TIAM2: variants seen among roughly 807,000 people sequenced by gnomAD.
The protein encoded by TIAM2 is rho guanine nucleotide exchange factor TIAM2.
Under a neutral mutation model 152.9 loss-of-function variants are expected in TIAM2, and 80 were observed. That is an observed-to-expected ratio of 0.52 (90% confidence interval 0.44 to 0.63). TIAM2 has a LOEUF of 0.63. Among genes scored for constraint, TIAM2 ranks in the 30% least tolerant of loss-of-function variants. TIAM2 has a pLI of 0.00. For missense variants in TIAM2, 1,965 were observed against 2,120.1 expected (o/e 0.93, Z 1.44); for synonymous variants, 804 against 838.0 (o/e 0.96, Z 0.70).
chr6:155,226,986 C>T (rs1212459555), intron 15 of TIAM2, among the ~76,000 whole-genome samples: 1 of 152,220 alleles, frequency 6.6e-6, no homozygotes, highest in African/African-American at 2.4e-5. Context: ...AGCACATTTG[C>T]AGTATGTGCT....
At chr6:155,254,737 T>A in intron 26 of TIAM2, 164 bp downstream of exon 26, 2 of 793,824 alleles carry the variant, frequency 2.5e-6, no homozygotes, top group Non-Finnish European at 3.9e-6. Context: ...CCAGACGTTC[T>A]ACTGTAAAAT....
chr6:155,029,948 A>G (rs529730917), intron 1 of TIAM2, among the ~76,000 whole-genome samples: 1 of 151,400 alleles, frequency 6.6e-6, no homozygotes, highest in Non-Finnish European at 1.5e-5. Context: ...ATGCGCCACT[A>G]TGCCTGGCTA....
intron 26 of TIAM2, chr6:155,254,948 C>A: frequency 1.2e-5 from 2 of 168,792 alleles, no homozygotes; most frequent in South Asian, 1.8e-4. Context: ...CAGAGGGTCT[C>A]CACCTTCTGA....
At chr6:155,099,373 G>A (rs1250399293) in intron 2 of TIAM2, among the ~76,000 whole-genome samples, 1 of 151,926 alleles carries the variant, frequency 6.6e-6, no homozygotes, top group Non-Finnish European at 1.5e-5. Flanking sequence ...ATTTGCAATG[G>A]CTTTAAAGCA....
At chr6:155,002,025 C>T (rs1778321133) in intron 1 of TIAM2, among the ~76,000 whole-genome samples, 1 of 152,160 alleles carries the variant, frequency 6.6e-6, no homozygotes, top group Non-Finnish European at 1.5e-5. Context: ...TAGTAAAGAG[C>T]ATTCTGTGCC....
chr6:155,091,561 G>A (rs1562313062), intron 2 of TIAM2, among the ~76,000 whole-genome samples: 1 of 152,118 alleles, frequency 6.6e-6, no homozygotes, highest in Admixed American at 6.5e-5. Context: ...CTCACATTAT[G>A]ATCAAATTTA....
At chr6:155,131,567 A>T (rs1421101781) in intron 4 of TIAM2, among the ~76,000 whole-genome samples, 2 of 151,768 alleles carry the variant, frequency 1.3e-5, no homozygotes, top group African/African-American at 4.8e-5. Flanking sequence ...ATATATCTAC[A>T]TGTGTAATCT....
At chr6:155,089,038 G>T (rs778955474) in intron 1 of TIAM2, among the ~76,000 whole-genome samples, 2 of 152,092 alleles carry the variant, frequency 1.3e-5, no homozygotes, top group Non-Finnish European at 2.9e-5. Flanking sequence ...AAAAAGGTAA[G>T]TCTCACTATG....
intron 14 of TIAM2, among the ~76,000 whole-genome samples, chr6:155,189,443 G>T (rs1583239126): frequency 6.6e-6 from 1 of 151,770 alleles, no homozygotes; most frequent in Admixed American, 6.6e-5. Context: ...AGTTTGTTTT[G>T]TCTGTGCTGA....
At chr6:155,042,610 C>G (rs1012562741) in intron 1 of TIAM2, among the ~76,000 whole-genome samples, 4 of 152,004 alleles carry the variant, frequency 2.6e-5, no homozygotes, top group African/African-American at 9.7e-5. Flanking sequence ...TAAATAATAG[C>G]AAGCAGGATC....
At chr6:155,249,079 G>A (rs1290115644) in intron 20 of TIAM2, among the ~76,000 whole-genome samples, 1 of 152,106 alleles carries the variant, frequency 6.6e-6, no homozygotes, top group African/African-American at 2.4e-5. Context: ...GTATTAAGAT[G>A]ATCTTTAGAA....
chr6:155,224,732 T>TCA (rs1562360256), intron 15 of TIAM2, among the ~76,000 whole-genome samples: 2 of 152,230 alleles, frequency 1.3e-5, no homozygotes, highest in Admixed American at 6.5e-5. Context: ...TTGCGCTCTC[T>TCA]CATTCTTTGC....
Position 155,134,397 on chromosome 6 carries a change from A to AC in TIAM2, c.1195-2771dup, listed in dbSNP as rs35487009. 9.9e-3 allele frequency among the ~76,000 whole-genome samples: 1,100 copies of AC among 110,566 alleles called. 16 individuals carry two copies. The highest frequency in any genetic ancestry group is 0.035 in the African/African-American group (990 of 28,156). The allele number at this position is 110,566 out of a possible 152,430, so 72.5% of individuals were successfully genotyped here. On this transcript the variant is annotated intron_variant, in intron 4 of 26. Coordinates refer to ENST00000682666, the MANE Select transcript of TIAM2 (RefSeq NM_012454.4). ...TATAAATGCTAAAATGCATCCCCCC[A>AC]CCCCCCCCCATTTCTGAAAAAGAAA...
intron 1 of TIAM2, among the ~76,000 whole-genome samples, chr6:155,067,900 C>T (rs1379628912): frequency 6.6e-6 from 1 of 152,140 alleles, no homozygotes; most frequent in African/African-American, 2.4e-5. Flanking sequence ...TCTCGGTCTC[C>T]CAAAGTGCTG....
intron 1 of TIAM2, among the ~76,000 whole-genome samples, chr6:155,051,336 T>C (rs1030756053): frequency 2.6e-5 from 4 of 152,220 alleles, no homozygotes; most frequent in East Asian, 3.9e-4. Flanking sequence ...CTCCCATCCA[T>C]GGGTGCCCGT....
intron 18 of TIAM2, 103 bp downstream of exon 18, chr6:155,244,886 A>G: frequency 7.4e-7 from 1 of 1,355,108 alleles, no homozygotes; most frequent in Non-Finnish European, 9.9e-7. Flanking sequence ...TCCTGTGACT[A>G]TTGACTATTT....
rs1209193764 is a variant in TIAM2 at position 155,028,812 on chromosome 6, A to ATATACTGTGTTATATATTACATG, written c.-209+33322_-209+33323insTACTGTGTTATATATTACATGTA. Among the ~76,000 whole-genome samples, 2 of 91,140 alleles carry ATATACTGTGTTATATATTACATG rather than the reference A, an allele frequency of 2.2e-5. 1 individual carries two copies. The highest frequency in any genetic ancestry group is 4.5e-5 in the Non-Finnish European group (2 of 44,290). 59.8% of individuals were successfully genotyped at this position (91,140 alleles called of 152,430 possible). A position where few individuals can be genotyped will look rare whatever the true frequency, so the allele number is the denominator to read the frequency against. On this transcript the variant is annotated intron_variant, in intron 1 of 26. Transcript: ENST00000682666. ...ATATATACTGTGTTATATACTATAT[A>ATATACTGTGTTATATATTACATG]TAATATATATACTGTGTTATATATA...
intron 15 of TIAM2, among the ~76,000 whole-genome samples, chr6:155,220,378 C>G (rs1435159695): frequency 6.6e-6 from 1 of 152,194 alleles, no homozygotes; most frequent in Non-Finnish European, 1.5e-5. Flanking sequence ...AGCAGAGTAT[C>G]ATGCAAGGCA....
chr6:155,109,700 G>A (rs570428633), intron 2 of TIAM2, among the ~76,000 whole-genome samples: 1 of 152,248 alleles, frequency 6.6e-6, no homozygotes, highest in South Asian at 2.1e-4. Flanking sequence ...AGCTGAAAAT[G>A]GACCTTAGGC....
Sources: allele counts gnomAD v4.1 joint callset (sites outside exome capture counted in the v4.1 genomes callset), GRCh38; gene constraint gnomAD v4.1.1; transcripts MANE v1.5; gene names NCBI Gene and HGNC (gene_info 2026-07-23, HGNC 2026-07-21).